Variants in IGFBP7 observed in about 807,000 individuals in gnomAD.
The protein encoded by IGFBP7 is insulin like growth factor binding protein 7.
A neutral mutation model predicts 29.4 loss-of-function variants in IGFBP7; 31 were observed. The ratio of observed to expected loss-of-function variants is 1.05; its 90% confidence interval spans 0.79 to 1.42. IGFBP7 has a LOEUF of 1.42. Ranked by LOEUF, IGFBP7 falls within the 40% of genes most tolerant of loss-of-function variation. The pLI is 0.00. For missense variants in IGFBP7, 393 were observed against 395.5 expected (o/e 0.99, Z 0.05); for synonymous variants, 172 against 174.9 (o/e 0.98, Z 0.13).
At chr4:57,065,002 T>C (rs1004298220) in intron 1 of IGFBP7, among the ~76,000 whole-genome samples, 1 of 152,258 alleles carries the variant, frequency 6.6e-6, no homozygotes, top group African/African-American at 2.4e-5. Context: ...TGTGGGAGTA[T>C]TTCCAATTTG....
intron 2 of IGFBP7, among the ~76,000 whole-genome samples, chr4:57,035,120 G>A (rs1486676788): frequency 6.6e-6 from 1 of 152,140 alleles, no homozygotes; most frequent in African/African-American, 2.4e-5. Context: ...AATAAACACT[G>A]CAGCACTGAA....
intron 1 of IGFBP7, among the ~76,000 whole-genome samples, chr4:57,070,466 T>C (rs914866083): frequency 3.9e-5 from 6 of 152,238 alleles, no homozygotes; most frequent in African/African-American, 9.6e-5. Flanking sequence ...AAAAAGTACA[T>C]GTCCTGCTGA....
At chr4:57,042,627 C>T (rs182993547) in intron 1 of IGFBP7, among the ~76,000 whole-genome samples, 6 of 152,214 alleles carry the variant, frequency 3.9e-5, no homozygotes, top group African/African-American at 1.4e-4. Context: ...GGATTACAGG[C>T]GTGAGCCACT....
chr4:57,065,401 A>G (rs1364161313), intron 1 of IGFBP7: 1 of 152,226 alleles, frequency 6.6e-6, no homozygotes, highest in Non-Finnish European at 1.5e-5. Flanking sequence ...GAAGCAAACA[A>G]AAGTTGAGTT....
At position 57,040,810 on chromosome 4, in the gene IGFBP7, T is replaced by A. The variant is rs1162680027; in HGVS notation, c.585+14A>T. ...TGTCAGCCTAGGATGTCTCTTAAAGTCTGTGCCACAGACCTTGTTCCAGAT... is the reference window on the plus strand; with the variant it reads ...TGTCAGCCTAGGATGTCTCTTAAAGACTGTGCCACAGACCTTGTTCCAGAT... On this transcript the variant is annotated intron_variant, in intron 2 of 4. Transcript: ENST00000295666. The A allele has an allele frequency of 2.6e-6, 4 of 1,551,082 alleles. No homozygotes were observed. Among genetic ancestry groups the A allele is most frequent in the Non-Finnish European group, 3.6e-6 (4 of 1,122,742 alleles).
intron 1 of IGFBP7, among the ~76,000 whole-genome samples, chr4:57,105,975 T>C (rs1047789872): frequency 5.3e-5 from 8 of 150,984 alleles, no homozygotes; most frequent in Non-Finnish European, 7.4e-5. Flanking sequence ...GGTGCTATCT[T>C]GGATCACTGC....
At chr4:57,040,715 G>C (rs557823362) in intron 2 of IGFBP7, 109 bp downstream of exon 2, 2 of 820,628 alleles carry the variant, frequency 2.4e-6, no homozygotes, top group African/African-American at 3.4e-5. Context: ...TTCACCTTGC[G>C]GGAGCCGCAG....
chr4:57,057,247 T>C (rs1461380817), intron 1 of IGFBP7, among the ~76,000 whole-genome samples: 1 of 152,210 alleles, frequency 6.6e-6, no homozygotes, highest in East Asian at 1.9e-4. Context: ...TGGGCTCAAG[T>C]GATCCCCCTG....
rs867707461 is a variant in IGFBP7, at chr4:57,110,067, C to A, written c.285G>T (p.Lys95Asn). The change falls in exon 1 of 5, where the codon AAG (lysine) becomes AAT (asparagine). Residue 95 changes from lysine (K) to asparagine (N), a missense_variant. Coordinates refer to ENST00000295666, the MANE Select transcript of IGFBP7 (RefSeq NM_001553.3). ...MECVKSRKRR[K>N]GKAGAAAGGP... is the part of the protein sequence containing the mutation. Reference sequence around the variant, plus strand: ...CGCCGGCTGCTGCCCCGGCTTTACCCTTCCGCCTCTTGCGGCTCTTCACGC... The same window carrying A: ...CGCCGGCTGCTGCCCCGGCTTTACCATTCCGCCTCTTGCGGCTCTTCACGC... The A allele has an allele frequency of 1.3e-6, 2 of 1,560,190 alleles. No individual in the cohort carries two copies. The highest frequency in any genetic ancestry group is 2.4e-5 in the East Asian group (1 of 42,420).
intron 1 of IGFBP7, among the ~76,000 whole-genome samples, chr4:57,083,083 C>T (rs1725410029): frequency 6.6e-6 from 1 of 152,166 alleles, no homozygotes; most frequent in Non-Finnish European, 1.5e-5. Flanking sequence ...CCAAATTCTT[C>T]TATATACAAA....
intron 1 of IGFBP7, among the ~76,000 whole-genome samples, chr4:57,095,536 T>G (rs1286672792): frequency 1.3e-5 from 2 of 152,192 alleles, no homozygotes; most frequent in African/African-American, 4.8e-5. Context: ...GTCATGTAAC[T>G]CTCACAACCG....
intron 1 of IGFBP7, among the ~76,000 whole-genome samples, chr4:57,083,423 A>G (rs766170624): frequency 5.3e-5 from 8 of 152,234 alleles, no homozygotes; most frequent in Non-Finnish European, 1.0e-4. Flanking sequence ...AACTCTTCAC[A>G]TGTTTAATGG....
chr4:57,077,918 T>A lies in IGFBP7; in HGVS notation c.475+31959A>T, dbSNP rs114167140. ...CAGGCGCAGGGCTTCCCATGCTGTC[T>A]GGCACACAGAGCACTCAATCAATAA... On this transcript the variant is annotated intron_variant, in intron 1 of 4. Transcript: ENST00000295666. 3.6e-3 allele frequency among the ~76,000 whole-genome samples: 542 copies of A among 152,324 alleles called. 7 individuals carry two copies. Among genetic ancestry groups the A allele is most frequent in the African/African-American group, 0.012 (519 of 41,578 alleles).
chr4:57,095,087 TAGTCA>T (rs1725729506), intron 1 of IGFBP7, among the ~76,000 whole-genome samples: 1 of 152,228 alleles, frequency 6.6e-6, no homozygotes, highest in South Asian at 2.1e-4. Context: ...AAGTGCTGTC[TAGTCA>T]TTCCTTATGA....
At chr4:57,068,920 C>T (rs1724985965) in intron 1 of IGFBP7, among the ~76,000 whole-genome samples, 1 of 152,048 alleles carries the variant, frequency 6.6e-6, no homozygotes, top group Admixed American at 6.6e-5. Flanking sequence ...GTGAAGCTTT[C>T]CATGGCCACT....
intron 1 of IGFBP7, among the ~76,000 whole-genome samples, chr4:57,061,860 T>C (rs73818297): frequency 6.0e-4 from 91 of 152,284 alleles, no homozygotes; most frequent in African/African-American, 2.1e-3. Flanking sequence ...GATAGGGTCT[T>C]GCTACGTTGC....
In IGFBP7 at chr4:57,109,861, A is replaced by T. The variant is rs778500183; in HGVS notation, c.475+16T>A. On this transcript the variant is annotated intron_variant, in intron 1 of 4. Coordinates refer to ENST00000295666, the MANE Select transcript of IGFBP7 (RefSeq NM_001553.3). The stretch of plus-strand genomic sequence containing the variant: ...CCGAGCGGCGCAGGGTTGGAGAGGG[A>T]AGCGCTCGTGCCCACCTTGCTCGCA... The T allele has an allele frequency of 3.6e-5, 55 of 1,535,132 alleles. No individual in the cohort carries two copies. The highest frequency in any genetic ancestry group is 4.2e-5 in the Non-Finnish European group (48 of 1,146,788).
intron 1 of IGFBP7, chr4:57,072,933 G>A (rs1725091584): frequency 2.6e-6 from 2 of 758,940 alleles, no homozygotes; most frequent in South Asian, 2.7e-5. Flanking sequence ...GGTAATATCT[G>A]CCTGGACATC....
At chr4:57,054,816 A>G (rs2109759063) in intron 1 of IGFBP7, among the ~76,000 whole-genome samples, 1 of 152,144 alleles carries the variant, frequency 6.6e-6, no homozygotes, top group East Asian at 1.9e-4. Context: ...AGGATGCTAC[A>G]ATGGGGCCAG....
Sources: allele counts gnomAD v4.1 joint callset (sites outside exome capture counted in the v4.1 genomes callset), GRCh38; gene constraint gnomAD v4.1.1; transcripts MANE v1.5; gene names NCBI Gene and HGNC (gene_info 2026-07-23, HGNC 2026-07-21).